Variants in EPB41 observed in about 807,000 individuals in gnomAD.
The protein encoded by EPB41 is erythrocyte membrane protein band 4.1, also known as protein 4.1.
EPB41 carries 65 observed loss-of-function variants against 108.0 expected under a neutral mutation model. The observed-to-expected ratio is 0.60, with a 90% CI of 0.49 to 0.74. EPB41 has a LOEUF of 0.74. Among genes scored for constraint, EPB41 ranks in the 30% least tolerant of loss-of-function variants. EPB41 has a pLI of 0.00. For missense variants in EPB41, 875 were observed against 1,037.0 expected (o/e 0.84, Z 2.15); for synonymous variants, 336 against 358.9 (o/e 0.94, Z 0.72).
At chr1:28,909,094 G>T (rs1399369733) in intron 1 of EPB41, among the ~76,000 whole-genome samples, 1 of 151,026 alleles carries the variant, frequency 6.6e-6, no homozygotes, top group Non-Finnish European at 1.5e-5. Flanking sequence ...GGAAGGCAGA[G>T]GTTGCAGTGA....
chr1:29,115,921 C>A lies in EPB41; in HGVS notation c.*6+118C>A. On this transcript the variant is annotated intron_variant, in intron 20 of 20. Transcript: ENST00000343067. The surrounding 1 kb of genome is among the most constrained non-coding windows in gnomAD (Gnocchi z 4.4). ...CCACAAAGAGGTGTTCACCCTGGGA[C>A]TTGATAAAGGCAGACGAGAGGCTGA... 1.3e-6 allele frequency: 1 copy of A among 783,542 alleles called. No homozygotes were observed. Among genetic ancestry groups the A allele is most frequent in the Non-Finnish European group, 2.2e-6 (1 of 453,224 alleles). The allele number at this position is 783,542 out of a possible 1,614,324, so 48.5% of individuals were successfully genotyped here.
At position 28,993,312 on chromosome 1, in the gene EPB41, G is replaced by A. The variant is rs774852279; in HGVS notation, c.469-18G>A. On this transcript the variant is annotated intron_variant, in intron 2 of 20. Transcript: ENST00000343067. ...GAAATGTGTTTATTACTGACTTGGC[G>A]ATGTCATGGATATGTAGCCTGCTCA... The A allele has an allele frequency of 5.0e-6, 8 of 1,602,092 alleles. No homozygotes were observed. The highest frequency in any genetic ancestry group is 1.3e-5 in the African/African-American group (1 of 74,646).
chr1:29,089,857 C>G (rs1660561034), intron 16 of EPB41, among the ~76,000 whole-genome samples: 1 of 151,878 alleles, frequency 6.6e-6, no homozygotes, highest in Admixed American at 6.6e-5. Context: ...AGCACTTTAG[C>G]AGCATAATAG....
At chr1:28,964,224 A>T (rs2095302553) in intron 1 of EPB41, among the ~76,000 whole-genome samples, 1 of 152,124 alleles carries the variant, frequency 6.6e-6, no homozygotes, top group South Asian at 2.1e-4. Flanking sequence ...CGATCACTTT[A>T]GGTCAGGAAT....
intron 11 of EPB41, among the ~76,000 whole-genome samples, chr1:29,050,126 A>C (rs570333580): frequency 8.7e-4 from 132 of 152,240 alleles, no homozygotes; most frequent in Admixed American, 2.1e-3. Context: ...CCTTAGGCAC[A>C]CTACTATATG....
At chr1:28,951,877 C>G (rs1571264514) in intron 1 of EPB41, among the ~76,000 whole-genome samples, 1 of 152,008 alleles carries the variant, frequency 6.6e-6, no homozygotes, top group Admixed American at 6.6e-5. Flanking sequence ...AAGACCCTGT[C>G]TCAAAATAAA....
intron 4 of EPB41, among the ~76,000 whole-genome samples, chr1:29,007,540 T>C (rs1206166700): frequency 6.6e-6 from 1 of 152,242 alleles, no homozygotes; most frequent in Non-Finnish European, 1.5e-5. Flanking sequence ...TGTCCTCATC[T>C]GCACTTGATA....
intron 1 of EPB41, 106 bp from the exon 2 acceptor site, chr1:28,987,325 T>G (rs1400481782): frequency 1.1e-6 from 1 of 913,988 alleles, no homozygotes; most frequent in Non-Finnish European, 1.8e-6. Flanking sequence ...TTCTGTTTGT[T>G]GGCAATTAAA....
intron 1 of EPB41, among the ~76,000 whole-genome samples, chr1:28,915,469 C>A (rs2092563793): frequency 6.6e-6 from 1 of 152,058 alleles, no homozygotes; most frequent in Non-Finnish European, 1.5e-5. Flanking sequence ...GATTGACCAG[C>A]AGGCCATTAT....
intron 1 of EPB41, among the ~76,000 whole-genome samples, chr1:28,962,078 G>A (rs1189094632): frequency 7.0e-6 from 1 of 143,730 alleles, no homozygotes; most frequent in Non-Finnish European, 1.5e-5. Flanking sequence ...TTTTTTTTTT[G>A]AGATGGAGTC....
chr1:28,910,778 C>T (rs528922858), upstream of EPB41, among the ~76,000 whole-genome samples: 1 of 152,120 alleles, frequency 6.6e-6, no homozygotes, highest in African/African-American at 2.4e-5. Context: ...TGCTTACTGC[C>T]CTTGACTGCT....
At chr1:29,076,165 G>T (rs1401511286) in intron 16 of EPB41, among the ~76,000 whole-genome samples, 2 of 152,182 alleles carry the variant, frequency 1.3e-5, no homozygotes, top group Non-Finnish European at 2.9e-5. Context: ...CTTACCCTCA[G>T]ACAAGTTACC....
At chr1:28,986,638 G>C in intron 1 of EPB41, among the ~76,000 whole-genome samples, 1 of 152,098 alleles carries the variant, frequency 6.6e-6, no homozygotes, top group East Asian at 1.9e-4. Flanking sequence ...GCTTAAAATG[G>C]GATACCTCTG....
intron 5 of EPB41, among the ~76,000 whole-genome samples, 168 bp from the exon 6 acceptor site, chr1:29,015,524 G>A (rs752509295): frequency 1.3e-5 from 2 of 151,152 alleles, no homozygotes; most frequent in Non-Finnish European, 1.5e-5. Context: ...GCTAGATCAC[G>A]CTTCACGCTA....
At position 28,914,572 on chromosome 1, in the gene EPB41, G is replaced by A. The variant is rs925953120; in HGVS notation, c.-204G>A. The A allele has an allele frequency of 6.6e-6, 1 of 151,686 alleles. No homozygotes were observed. Among genetic ancestry groups the A allele is most frequent in the African/African-American group, 2.4e-5 (1 of 41,230 alleles). 9.4% of individuals were successfully genotyped at this position (151,686 alleles called of 1,614,324 possible). A position where few individuals can be genotyped will look rare whatever the true frequency, so the allele number is the denominator to read the frequency against. On this transcript the variant is annotated 5_prime_UTR_variant, in exon 1 of 21. Coordinates refer to ENST00000343067, the MANE Select transcript of EPB41 (RefSeq NM_001376013.1). ...GGCCGGGCTGGCCTCGCCTCGCAGA[G>A]GGAAGGCGGGAGGGCGCGCGCCAGG...
chr1:29,068,860 G>A (rs930006329), intron 16 of EPB41: 84 of 1,114,620 alleles, frequency 7.5e-5, no homozygotes, highest in Non-Finnish European at 9.3e-5. Flanking sequence ...AATCCCCCCA[G>A]AACTGAACAA....
In EPB41 at chr1:28,966,863, A is replaced by T. The variant is rs149691792; in HGVS notation, c.-7-20568A>T. The stretch of plus-strand genomic sequence containing the variant: ...GGCAATTGCAAGGACTTTGCCCTTT[A>T]TTCTGAATGGCAGGAAATGTCTTTG... On this transcript the variant is annotated intron_variant, in intron 1 of 20. Coordinates refer to ENST00000343067, the MANE Select transcript of EPB41 (RefSeq NM_001376013.1). Among the ~76,000 whole-genome samples, 8 of 152,322 alleles carry T rather than the reference A, an allele frequency of 5.3e-5. No individual in the cohort carries two copies. In the East Asian group the frequency reaches 1.5e-3, roughly 29 times the overall value.
chr1:28,895,238 T>A (rs1244951714), intron 1 of EPB41, among the ~76,000 whole-genome samples: 1 of 152,154 alleles, frequency 6.6e-6, no homozygotes, highest in Non-Finnish European at 1.5e-5. Context: ...CCAGGGAGCC[T>A]GGGACTCACT....
chr1:28,954,077 C>T (rs1323312078), intron 1 of EPB41, among the ~76,000 whole-genome samples: 1 of 152,228 alleles, frequency 6.6e-6, no homozygotes, highest in East Asian at 1.9e-4. Flanking sequence ...TATATTTTAA[C>T]ATGTTCCATA....
Sources: gnomAD v4.1 joint callset for allele counts (sites outside exome capture counted in the v4.1 genomes callset) on GRCh38, gnomAD v4.1.1 for gene constraint, Gnocchi (gnomAD v3.1) non-coding constraint, MANE v1.5 for transcripts, NCBI Gene and HGNC (gene_info 2026-07-23, HGNC 2026-07-21) for gene names.